The following DLC1 variants were observed in gnomAD, a reference collection of about 807,000 sequenced individuals.
DLC1 encodes DLC1 Rho GTPase activating protein, also known as rho GTPase-activating protein 7.
In DLC1, 54 loss-of-function variants were observed where a neutral mutation model predicts 140.3. The ratio of observed to expected loss-of-function variants is 0.38; its 90% CI spans 0.31 to 0.48. The LOEUF is 0.48. Ranked by LOEUF, DLC1 falls within the 20% of genes least tolerant of loss-of-function variation. The pLI is 0.96. For missense variants in DLC1, 2,536 were observed against 1,907.0 expected, an observed-to-expected ratio of 1.33 and a Z score of -6.14; for synonymous variants, 986 against 728.1, an observed-to-expected ratio of 1.35 and a Z score of -5.70.
At chr8:13,465,730 T>G (rs537107850) in intron 2 of DLC1, among the ~76,000 whole-genome samples, 1 of 152,274 alleles carries the variant, frequency 6.6e-6, no homozygotes, top group African/African-American at 2.4e-5. Context: ...TTTCTAAATT[T>G]TAAGATATTC....
chr8:13,401,883 T>C (rs1837315764), intron 2 of DLC1, among the ~76,000 whole-genome samples: 1 of 152,182 alleles, frequency 6.6e-6, no homozygotes, highest in Admixed American at 6.5e-5. Context: ...CTATGAGTAA[T>C]GGCATGTATT....
At chr8:13,141,480 C>G (rs983029473) in intron 5 of DLC1, among the ~76,000 whole-genome samples, 5 of 152,100 alleles carry the variant, frequency 3.3e-5, no homozygotes, top group African/African-American at 7.2e-5. Context: ...CAGCCTTTCA[C>G]CTTGTCAGTA....
intron 8 of DLC1, 55 bp from the exon 9 acceptor site, chr8:13,100,825 C>A: frequency 6.6e-7 from 1 of 1,511,202 alleles, no homozygotes; most frequent in East Asian, 2.3e-5. Context: ...CAGCAGGGAG[C>A]AGGGCATGAG....
chr8:13,258,013 G>C (rs1441378132), intron 5 of DLC1, among the ~76,000 whole-genome samples: 1 of 152,202 alleles, frequency 6.6e-6, no homozygotes, highest in Non-Finnish European at 1.5e-5. Context: ...ACTTCTCCAA[G>C]GCTATAAAGT....
chr8:13,204,378 G>A (rs774768672), intron 5 of DLC1, among the ~76,000 whole-genome samples: 17 of 152,098 alleles, frequency 1.1e-4, no homozygotes, highest in Non-Finnish European at 2.4e-4. Flanking sequence ...AATGAGAACC[G>A]CTATCATAGG....
intron 5 of DLC1, among the ~76,000 whole-genome samples, chr8:13,297,821 C>T (rs1010516910): frequency 3.3e-5 from 5 of 152,088 alleles, no homozygotes; most frequent in African/African-American, 1.2e-4. Flanking sequence ...TGGATCCAAG[C>T]AATGATGATC....
intron 1 of DLC1, among the ~76,000 whole-genome samples, chr8:13,589,408 T>C (rs1233990779): frequency 3.3e-5 from 5 of 152,110 alleles, no homozygotes; most frequent in Non-Finnish European, 7.4e-5. Flanking sequence ...AAAATTCTAG[T>C]AGACCTTTCT....
At chr8:13,474,301 G>A (rs1357888843) in intron 2 of DLC1, among the ~76,000 whole-genome samples, 2 of 152,200 alleles carry the variant, frequency 1.3e-5, no homozygotes, top group African/African-American at 4.8e-5. Flanking sequence ...GTGTGCAGAA[G>A]TCAAGAATTG....
chr8:13,270,228 C>T (rs1407234867), intron 5 of DLC1, among the ~76,000 whole-genome samples: 3 of 152,206 alleles, frequency 2.0e-5, no homozygotes, highest in African/African-American at 4.8e-5. Context: ...ATATGACCCT[C>T]CTACCAGGCC....
intron 4 of DLC1, among the ~76,000 whole-genome samples, chr8:13,344,679 A>G (rs1019943793): frequency 7.2e-5 from 11 of 152,316 alleles, no homozygotes; most frequent in African/African-American, 2.6e-4. Flanking sequence ...GCTAGCCACG[A>G]GGTCTCTATC....
At chr8:13,122,087 C>CT (rs1392633529) in intron 5 of DLC1, among the ~76,000 whole-genome samples, 3 of 152,170 alleles carry the variant, frequency 2.0e-5, no homozygotes, top group Admixed American at 6.5e-5. Context: ...CCCCTCCCTG[C>CT]CCCCAACAAA....
At chr8:13,512,819 G>T (rs1001756120) in intron 1 of DLC1, among the ~76,000 whole-genome samples, 5 of 151,964 alleles carry the variant, frequency 3.3e-5, no homozygotes, top group Non-Finnish European at 7.4e-5. Context: ...CATATGGATT[G>T]ATTTTCTTGA....
chr8:13,403,266 A>T (rs1441192576), intron 2 of DLC1, among the ~76,000 whole-genome samples: 1 of 152,216 alleles, frequency 6.6e-6, no homozygotes, highest in Non-Finnish European at 1.5e-5. Flanking sequence ...GGGGTCCATG[A>T]TATTTGCAAA....
intron 1 of DLC1, among the ~76,000 whole-genome samples, chr8:13,544,733 A>G (rs1803600096): frequency 6.6e-6 from 1 of 152,234 alleles, no homozygotes; most frequent in South Asian, 2.1e-4. Context: ...AGGCATGAAA[A>G]TATACAATCC....
At chr8:13,149,297 C>A (rs1240628688) in intron 5 of DLC1, among the ~76,000 whole-genome samples, 1 of 152,148 alleles carries the variant, frequency 6.6e-6, no homozygotes, top group Non-Finnish European at 1.5e-5. Flanking sequence ...CTGTTCTTTT[C>A]CTTCAATTTC....
intron 5 of DLC1, among the ~76,000 whole-genome samples, chr8:13,143,813 TGAGA>T (rs35079610): frequency 0.015 from 1,870 of 128,450 alleles, 34 homozygotes; most frequent in African/African-American, 0.042. Context: ...AATGAAAAGC[TGAGA>T]GAGAGAGAGA....
chr8:13,421,916 C>G (rs1410927905), intron 2 of DLC1, among the ~76,000 whole-genome samples: 1 of 152,104 alleles, frequency 6.6e-6, no homozygotes, highest in Non-Finnish European at 1.5e-5. Flanking sequence ...TCCATATGAA[C>G]TATGTACCCA....
intron 5 of DLC1, among the ~76,000 whole-genome samples, chr8:13,167,479 A>G (rs1355975835): frequency 6.6e-6 from 1 of 152,080 alleles, no homozygotes. Context: ...TTAAAACTGA[A>G]TGGCTTCTCA....
chr8:13,497,267 C>T (rs780900286), intron 2 of DLC1, among the ~76,000 whole-genome samples: 1 of 152,142 alleles, frequency 6.6e-6, no homozygotes, highest in Non-Finnish European at 1.5e-5. Flanking sequence ...TATTTTAACA[C>T]TCATCCAATA....
Sources: gnomAD v4.1 joint callset for allele counts (sites outside exome capture counted in the v4.1 genomes callset) on GRCh38, gnomAD v4.1.1 for gene constraint, MANE v1.5 for transcripts, NCBI Gene and HGNC (gene_info 2026-07-23, HGNC 2026-07-21) for gene names.